The following CRPPA variants were observed in gnomAD, a reference collection of about 807,000 sequenced individuals.
CRPPA encodes the protein D-ribitol-5-phosphate cytidylyltransferase.
Under a neutral mutation model 52.0 loss-of-function variants are expected in CRPPA, and 43 were observed. The ratio of observed to expected loss-of-function variants is 0.83; its 90% CI spans 0.65 to 1.07. The LOEUF is 1.07. Among genes scored for constraint, CRPPA ranks in the 50% least tolerant of loss-of-function variants. The pLI is 0.00. For missense variants in CRPPA, 629 were observed against 551.7 expected (o/e 1.14, Z -1.40); for synonymous variants, 250 against 203.5 (o/e 1.23, Z -1.94).
intron 8 of CRPPA, among the ~76,000 whole-genome samples, chr7:16,226,461 C>T (rs1782653921): frequency 6.6e-6 from 1 of 151,768 alleles, no homozygotes; most frequent in East Asian, 1.9e-4. Context: ...CATGAAGGTA[C>T]ATCATGTGAT....
chr7:16,311,223 T>C (rs149031397), intron 3 of CRPPA, among the ~76,000 whole-genome samples: 79 of 152,288 alleles, frequency 5.2e-4, no homozygotes, highest in African/African-American at 1.7e-3. Flanking sequence ...GACCCATGCA[T>C]TGTATTATAC....
chr7:16,401,868 A>AT (rs138185771), intron 2 of CRPPA, among the ~76,000 whole-genome samples: 6,081 of 152,172 alleles, frequency 0.04, 271 homozygotes, highest in African/African-American at 0.1. Flanking sequence ...TCATTAAAAA[A>AT]ATATATATAT....
chr7:16,221,638 C>T (rs1461248148), intron 8 of CRPPA, among the ~76,000 whole-genome samples: 4 of 151,810 alleles, frequency 2.6e-5, no homozygotes, highest in African/African-American at 9.7e-5. Flanking sequence ...GGGCGAAGGA[C>T]ATGAACAGAC....
intron 3 of CRPPA, among the ~76,000 whole-genome samples, chr7:16,373,777 G>A (rs2128311598): frequency 6.6e-6 from 1 of 152,252 alleles, no homozygotes; most frequent in East Asian, 1.9e-4. Flanking sequence ...CATATATAAG[G>A]GGGCAAATGA....
At chr7:16,106,974 G>C (rs1336080287) in intron 9 of CRPPA, among the ~76,000 whole-genome samples, 1 of 152,088 alleles carries the variant, frequency 6.6e-6, no homozygotes, top group East Asian at 1.9e-4. Context: ...AAAAAATACA[G>C]TGACTGATCT....
At chr7:16,278,575 A>C (rs1238338908) in intron 5 of CRPPA, among the ~76,000 whole-genome samples, 1 of 152,230 alleles carries the variant, frequency 6.6e-6, no homozygotes, top group Non-Finnish European at 1.5e-5. Flanking sequence ...CCCAGAACCT[A>C]ACAGATTTCC....
intron 3 of CRPPA, among the ~76,000 whole-genome samples, chr7:16,310,154 G>C (rs1785002898): frequency 6.6e-6 from 1 of 151,992 alleles, no homozygotes; most frequent in Non-Finnish European, 1.5e-5. Flanking sequence ...GATTCACCAT[G>C]GGGGGGTTAT....
At chr7:16,116,292 A>T (rs1782368902) in intron 9 of CRPPA, among the ~76,000 whole-genome samples, 1 of 152,148 alleles carries the variant, frequency 6.6e-6, no homozygotes, top group Admixed American at 6.5e-5. Context: ...TCATGAGAAA[A>T]CAGCAGAGAA....
chr7:16,284,781 T>G (rs77492135), intron 5 of CRPPA, among the ~76,000 whole-genome samples: 3 of 152,196 alleles, frequency 2.0e-5, no homozygotes, highest in Middle Eastern at 3.4e-3. Context: ...TACTGATAAT[T>G]TGAAAAGCAT....
At chr7:16,348,526 G>A (rs1786070113) in intron 3 of CRPPA, among the ~76,000 whole-genome samples, 1 of 152,208 alleles carries the variant, frequency 6.6e-6, no homozygotes, top group African/African-American at 2.4e-5. Context: ...GGAAGCAGAA[G>A]GGACTAGGTA....
At chr7:16,236,823 T>C (rs912480387) in intron 8 of CRPPA, among the ~76,000 whole-genome samples, 1 of 152,032 alleles carries the variant, frequency 6.6e-6, no homozygotes, top group Non-Finnish European at 1.5e-5. Flanking sequence ...GGAAAAGACA[T>C]TGTAATATAA....
chr7:16,180,969 C>A (rs1781401858), intron 9 of CRPPA, among the ~76,000 whole-genome samples: 1 of 151,768 alleles, frequency 6.6e-6, no homozygotes, highest in Admixed American at 6.6e-5. Context: ...TTGTGTGTTT[C>A]ACAGAATGGC....
intron 2 of CRPPA, among the ~76,000 whole-genome samples, chr7:16,403,037 C>A (rs779200910): frequency 2.6e-5 from 4 of 151,974 alleles, no homozygotes; most frequent in Non-Finnish European, 5.9e-5. Context: ...AGAGAAAAGG[C>A]AAATTACTTT....
At chr7:16,375,637 G>C (rs372915563) in intron 3 of CRPPA, among the ~76,000 whole-genome samples, 4 of 152,312 alleles carry the variant, frequency 2.6e-5, no homozygotes, top group African/African-American at 9.6e-5. Flanking sequence ...GGGCAAGTCA[G>C]TGTGCCTGCC....
At chr7:16,242,778 A>T (rs4721484) in intron 8 of CRPPA, among the ~76,000 whole-genome samples, 65,449 of 151,648 alleles carry the variant, frequency 0.43, 14,815 homozygotes, top group Admixed American at 0.56. Context: ...TTAAAAAAAA[A>T]TTTTTTTCAC....
intron 9 of CRPPA, among the ~76,000 whole-genome samples, chr7:16,167,962 T>A (rs1781102087): frequency 6.6e-6 from 1 of 152,236 alleles, no homozygotes; most frequent in Non-Finnish European, 1.5e-5. Flanking sequence ...TCTGTGTAAA[T>A]ACGCAAATAC....
At chr7:16,249,879 G>C (rs922882110) in intron 8 of CRPPA, among the ~76,000 whole-genome samples, 1 of 152,174 alleles carries the variant, frequency 6.6e-6, no homozygotes, top group African/African-American at 2.4e-5. Flanking sequence ...TGGAGAATGA[G>C]TTTGACAAAC....
At chr7:16,281,612 C>T (rs899163740) in intron 5 of CRPPA, among the ~76,000 whole-genome samples, 6 of 152,100 alleles carry the variant, frequency 3.9e-5, no homozygotes, top group Non-Finnish European at 5.9e-5. Flanking sequence ...TTATACTATT[C>T]GCACATAATG....
chr7:16,344,887 T>C (rs1407304325), intron 3 of CRPPA, among the ~76,000 whole-genome samples: 2 of 151,102 alleles, frequency 1.3e-5, no homozygotes, highest in African/African-American at 4.9e-5. Flanking sequence ...AAAATAATCA[T>C]AATGGGAGAA....
Sources: allele counts gnomAD v4.1 joint callset (sites outside exome capture counted in the v4.1 genomes callset), GRCh38; gene constraint gnomAD v4.1.1; transcripts MANE v1.5; gene names NCBI Gene and HGNC (gene_info 2026-07-23, HGNC 2026-07-21).